SH3BGRL2: variants seen among roughly 807,000 people sequenced by gnomAD.
SH3BGRL2 encodes SH3 domain-binding glutamic acid-rich-like protein 2.
A neutral mutation model predicts 14.8 loss-of-function variants in SH3BGRL2; 21 were observed. The ratio of observed to expected loss-of-function variants is 1.42; its 90% confidence interval spans 1.01 to 2.05. The LOEUF is 2.05. SH3BGRL2 is among the 30% of genes most tolerant of loss of function. SH3BGRL2 has a pLI of 0.00. For synonymous variants in SH3BGRL2, 50 were observed against 47.8 expected (o/e 1.05, Z -0.19); for missense variants, 147 against 130.8 (o/e 1.12, Z -0.61).
intron 1 of SH3BGRL2, among the ~76,000 whole-genome samples, chr6:79,644,329 G>C (rs1769086705): frequency 6.6e-6 from 1 of 152,112 alleles, no homozygotes; most frequent in South Asian, 2.1e-4. Flanking sequence ...AGGGAATTGA[G>C]GGTCTGGGGG....
At chr6:79,647,307 T>A (rs896763238) in intron 1 of SH3BGRL2, among the ~76,000 whole-genome samples, 38 of 152,284 alleles carry the variant, frequency 2.5e-4, no homozygotes, top group African/African-American at 5.3e-4. Context: ...TGTTTTTTTT[T>A]AAAGAAGTGG....
At chr6:79,617,883 T>G in the SH3BGRL2 span, among the ~76,000 whole-genome samples, 1 of 152,242 alleles carries the variant, frequency 6.6e-6, no homozygotes, top group Non-Finnish European at 1.5e-5. Context: ...ATATGATCAC[T>G]TGGCTACAGT....
Position 79,695,568 on chromosome 6 carries a change from G to C in SH3BGRL2, c.232-917G>C, listed in dbSNP as rs746875948. On this transcript the variant is annotated intron_variant, in intron 2 of 3. Transcript: ENST00000369838. ...AGAGTACAGAAAGTGTGAATTTCAAGGTCAGTGAAACATGAGCCCAAATAT... is the reference window on the plus strand; with the variant it reads ...AGAGTACAGAAAGTGTGAATTTCAACGTCAGTGAAACATGAGCCCAAATAT... Among the ~76,000 whole-genome samples the C allele has an allele frequency of 1.0e-3, 154 of 152,222 alleles. 1 individual carries two copies. Among genetic ancestry groups the C allele is most frequent in the Middle Eastern group, 6.8e-3 (2 of 294 alleles).
chr6:79,631,724 G>C (rs576390058), intron 1 of SH3BGRL2, among the ~76,000 whole-genome samples: 6 of 152,340 alleles, frequency 3.9e-5, no homozygotes, highest in African/African-American at 1.4e-4. Flanking sequence ...ACCCTGCGTG[G>C]CCTGAAAGGC....
At chr6:79,626,965 A>T (rs146975647), upstream of SH3BGRL2, among the ~76,000 whole-genome samples, 848 of 152,240 alleles carry the variant, frequency 5.6e-3, 11 homozygotes, top group African/African-American at 0.019. Context: ...TGAAACAGCA[A>T]CTCAAGGGCA....
In SH3BGRL2 at chr6:79,644,693, G is replaced by A. The variant is rs559887824; in HGVS notation, c.45+13187G>A. Among the ~76,000 whole-genome samples, 16 of 152,132 alleles carry A rather than the reference G, an allele frequency of 1.1e-4. No individual in the cohort carries two copies. In the South Asian group the frequency reaches 2.7e-3, roughly 26 times the overall value. The stretch of plus-strand genomic sequence containing the variant: ...GCTGAACATGCCTTTTTACTTCTCT[G>A]GATCTCAGAAAATCTACTTGTAAAG... On this transcript the variant is annotated intron_variant, in intron 1 of 3. Transcript: ENST00000369838.
chr6:79,584,433 C>T, the SH3BGRL2 span, among the ~76,000 whole-genome samples: 1 of 152,190 alleles, frequency 6.6e-6, no homozygotes, highest in African/African-American at 2.4e-5. Flanking sequence ...AAAGAGTCCA[C>T]TGCCACGTGA....
intron 2 of SH3BGRL2, among the ~76,000 whole-genome samples, chr6:79,693,339 T>C (rs1350034841): frequency 6.6e-6 from 1 of 151,618 alleles, no homozygotes; most frequent in Admixed American, 6.6e-5. Context: ...CCTAATTGAA[T>C]ACCCTTTATT....
At chr6:79,640,779 C>T (rs1288247781) in intron 1 of SH3BGRL2, among the ~76,000 whole-genome samples, 3 of 152,010 alleles carry the variant, frequency 2.0e-5, no homozygotes, top group Admixed American at 2.0e-4. Flanking sequence ...GGGGTTCTAA[C>T]TAATTTAGGA....
chr6:79,610,545 A>G, the SH3BGRL2 span, among the ~76,000 whole-genome samples: 1 of 152,188 alleles, frequency 6.6e-6, no homozygotes, highest in Non-Finnish European at 1.5e-5. Flanking sequence ...ATAGAAACAG[A>G]TGTTTCTCAT....
chr6:79,539,884 T>C, the SH3BGRL2 span, among the ~76,000 whole-genome samples: 2 of 152,202 alleles, frequency 1.3e-5, no homozygotes, highest in Non-Finnish European at 2.9e-5. Context: ...TAAAGTTCAG[T>C]CATCTATTTC....
chr6:79,684,092 A>G (rs1439893173), intron 2 of SH3BGRL2, among the ~76,000 whole-genome samples: 1 of 152,214 alleles, frequency 6.6e-6, no homozygotes, highest in Non-Finnish European at 1.5e-5. Flanking sequence ...TTTCGAAGAT[A>G]TGGATGCTAT....
chr6:79,561,311 A>G, the SH3BGRL2 span: 1 of 152,122 alleles, frequency 6.6e-6, no homozygotes, highest in Non-Finnish European at 1.5e-5. Context: ...CATGTCGTCA[A>G]TATGTATATA....
the SH3BGRL2 span, among the ~76,000 whole-genome samples, chr6:79,618,160 T>C: frequency 1.3e-5 from 2 of 152,250 alleles, no homozygotes; most frequent in Non-Finnish European, 2.9e-5. Flanking sequence ...AAAGCCAGGC[T>C]AAGTGCTTAA....
At chr6:79,682,558 C>T (rs1770008518) in intron 2 of SH3BGRL2, among the ~76,000 whole-genome samples, 2 of 151,664 alleles carry the variant, frequency 1.3e-5, no homozygotes, top group African/African-American at 4.8e-5. Context: ...TCCTTGTCTC[C>T]TTTCATGACA....
the SH3BGRL2 span, among the ~76,000 whole-genome samples, chr6:79,583,336 T>C: frequency 6.6e-6 from 1 of 152,218 alleles, no homozygotes; most frequent in African/African-American, 2.4e-5. Context: ...TGCACAAGTA[T>C]GTTTATTGCG....
At chr6:79,670,598 A>T (rs960289657) in intron 1 of SH3BGRL2, among the ~76,000 whole-genome samples, 25 of 152,374 alleles carry the variant, frequency 1.6e-4, no homozygotes, top group Non-Finnish European at 3.4e-4. Flanking sequence ...CATTTTAAAT[A>T]GCAATTAAGA....
At chr6:79,592,614 A>G in the SH3BGRL2 span, among the ~76,000 whole-genome samples, 1 of 152,208 alleles carries the variant, frequency 6.6e-6, no homozygotes, top group Admixed American at 6.5e-5. Flanking sequence ...AAGTCAAGAT[A>G]AAAATGGAAA....
chr6:79,630,622 T>G (rs1582708917), upstream of SH3BGRL2, among the ~76,000 whole-genome samples: 1 of 151,644 alleles, frequency 6.6e-6, no homozygotes, highest in African/African-American at 2.4e-5. Flanking sequence ...TAGGGAGGGG[T>G]GGGGCAGGTA....
Sources: gnomAD v4.1 joint callset for allele counts (sites outside exome capture counted in the v4.1 genomes callset) on GRCh38, gnomAD v4.1.1 for gene constraint, MANE v1.5 for transcripts, NCBI Gene and HGNC (gene_info 2026-07-23, HGNC 2026-07-21) for gene names.